The following DAB1 variants were observed in gnomAD, a reference collection of about 807,000 sequenced individuals.
DAB1 encodes the protein disabled homolog 1.
DAB1 carries 15 observed loss-of-function variants against 64.6 expected under a neutral mutation model. The observed-to-expected ratio is 0.23, with a 90% CI of 0.16 to 0.36. The LOEUF (loss-of-function observed/expected upper bound fraction) is 0.36, where lower values mean the gene tolerates loss of function less well. DAB1 is among the 10% of genes least tolerant of loss of function. DAB1 has a pLI of 1.00. For missense variants in DAB1, 596 were observed against 706.7 expected (o/e 0.84, Z 1.78); for synonymous variants, 235 against 251.9 (o/e 0.93, Z 0.64).
chr1:57,623,287 G>A (rs545525937), intron 7 of DAB1, among the ~76,000 whole-genome samples: 17 of 152,150 alleles, frequency 1.1e-4, no homozygotes, highest in African/African-American at 2.2e-4. Context: ...TAACTCATAC[G>A]CCCCTGTCTC....
chr1:58,136,411 T>C (rs1277523616), intron 5 of DAB1, among the ~76,000 whole-genome samples: 2 of 152,098 alleles, frequency 1.3e-5, no homozygotes, highest in Non-Finnish European at 2.9e-5. Context: ...CCACAGCCTA[T>C]CAGAACCTAG....
chr1:57,767,854 T>C (rs1438868479), intron 6 of DAB1, among the ~76,000 whole-genome samples: 11 of 152,052 alleles, frequency 7.2e-5, no homozygotes, highest in Non-Finnish European at 4.4e-5. Context: ...AAATGAATCA[T>C]ATCATATATA....
At chr1:57,899,192 CT>C (rs549026891) in intron 5 of DAB1, among the ~76,000 whole-genome samples, 2 of 152,042 alleles carry the variant, frequency 1.3e-5, no homozygotes, top group African/African-American at 4.8e-5. Context: ...AGTTTTCTTT[CT>C]TTTTTTCTTT....
chr1:57,828,362 T>G (rs1490495769), intron 1 of DAB1, among the ~76,000 whole-genome samples: 1 of 152,210 alleles, frequency 6.6e-6, no homozygotes, highest in Non-Finnish European at 1.5e-5. Context: ...AACTCCTGCT[T>G]TTTCCACAGC....
At chr1:57,027,727 A>C (rs1392822955) in intron 9 of DAB1, among the ~76,000 whole-genome samples, 1 of 152,190 alleles carries the variant, frequency 6.6e-6, no homozygotes, top group Non-Finnish European at 1.5e-5. Flanking sequence ...AGAGCACAAA[A>C]GTCTCTTTTT....
At chr1:57,265,780 T>G (rs1670544803) in intron 2 of DAB1, among the ~76,000 whole-genome samples, 1 of 152,218 alleles carries the variant, frequency 6.6e-6, no homozygotes, top group Admixed American at 6.5e-5. Context: ...GAGAGCAGGC[T>G]TGGAGTGGAA....
chr1:57,871,782 T>C (rs1437678011), intron 1 of DAB1, among the ~76,000 whole-genome samples: 1 of 152,174 alleles, frequency 6.6e-6, no homozygotes, highest in Non-Finnish European at 1.5e-5. Context: ...CTTTTCCATA[T>C]TTAGGAACTG....
intron 9 of DAB1, among the ~76,000 whole-genome samples, chr1:57,060,452 C>T (rs886386650): frequency 6.6e-6 from 1 of 152,088 alleles, no homozygotes; most frequent in African/African-American, 2.4e-5. Context: ...CCCTGGCCTT[C>T]ATATATTTAT....
intron 1 of DAB1, among the ~76,000 whole-genome samples, chr1:57,327,223 G>C (rs1676240982): frequency 6.6e-6 from 1 of 152,042 alleles, no homozygotes; most frequent in Admixed American, 6.6e-5. Context: ...TTGCAGGCGT[G>C]AGCTACAATG....
intron 5 of DAB1, among the ~76,000 whole-genome samples, chr1:57,920,653 T>A (rs1414540178): frequency 6.6e-6 from 1 of 152,108 alleles, no homozygotes; most frequent in Non-Finnish European, 1.5e-5. Flanking sequence ...AAATTATTAA[T>A]CTCTCCAAGG....
At chr1:57,169,494 TC>T (rs895232843) in intron 2 of DAB1, among the ~76,000 whole-genome samples, 2 of 152,178 alleles carry the variant, frequency 1.3e-5, no homozygotes, top group African/African-American at 4.8e-5. Context: ...CCAAGAAATG[TC>T]CTTTTTAACC....
chr1:58,374,502 T>C (rs1336511531), intron 3 of DAB1, among the ~76,000 whole-genome samples: 3 of 151,804 alleles, frequency 2.0e-5, no homozygotes, highest in Non-Finnish European at 4.4e-5. Context: ...GTAAGCAGCG[T>C]TATTTCTGAG....
chr1:58,362,728 A>G (rs913377833), intron 3 of DAB1, among the ~76,000 whole-genome samples: 1 of 152,212 alleles, frequency 6.6e-6, no homozygotes, highest in Admixed American at 6.5e-5. Context: ...AGAACTTCAA[A>G]TGAGGAAAGC....
rs556840731 is a variant in DAB1 at position 58,134,717 on chromosome 1, C to T, written n.387+15794G>A. On this transcript the variant is annotated intron_variant and non_coding_transcript_variant, in intron 5 of 20. Coordinates refer to the DAB1 transcript ENST00000485760. The stretch of plus-strand genomic sequence containing the variant: ...ACCAGATATTGTGAGAACTCTATCA[C>T]GAGAAAGCACTAGCAGGATGGTGCT... Among the ~76,000 whole-genome samples, 18 of 152,172 alleles carry T rather than the reference C, an allele frequency of 1.2e-4. No individual in the cohort carries two copies. In the East Asian group the frequency reaches 2.1e-3, roughly 18 times the overall value.
At chr1:57,378,197 A>G (rs1316458331) in intron 1 of DAB1, among the ~76,000 whole-genome samples, 1 of 152,170 alleles carries the variant, frequency 6.6e-6, no homozygotes, top group Non-Finnish European at 1.5e-5. Flanking sequence ...CAACTCTCTC[A>G]AGAGAACTCA....
intron 5 of DAB1, among the ~76,000 whole-genome samples, chr1:57,915,499 G>T (rs1341044705): frequency 6.6e-6 from 1 of 152,112 alleles, no homozygotes; most frequent in Non-Finnish European, 1.5e-5. Flanking sequence ...TAAAATCAGA[G>T]TTTGGCAGCT....
intron 5 of DAB1, among the ~76,000 whole-genome samples, chr1:58,094,042 C>T (rs1340912776): frequency 6.6e-6 from 1 of 152,164 alleles, no homozygotes; most frequent in Non-Finnish European, 1.5e-5. Flanking sequence ...TCTCATTACT[C>T]CCCGGTCTCT....
At chr1:58,224,726 A>C (rs996823950) in intron 4 of DAB1, among the ~76,000 whole-genome samples, 1 of 152,172 alleles carries the variant, frequency 6.6e-6, no homozygotes, top group Non-Finnish European at 1.5e-5. Context: ...CTCCCTATTT[A>C]ATAAATGGTG....
rs538073628 is a variant in DAB1, at chr1:58,462,174, C to T, written n.257+43886G>A. Among the ~76,000 whole-genome samples, 493 of 140,086 alleles carry T rather than the reference C, an allele frequency of 3.5e-3. 5 individuals carry two copies. The highest frequency in any genetic ancestry group is 0.013 in the African/African-American group (474 of 36,860). 91.9% of individuals were successfully genotyped at this position (140,086 alleles called of 152,430 possible). On this transcript the variant is annotated intron_variant and non_coding_transcript_variant, in intron 3 of 20. Transcript: ENST00000485760. Reference sequence around the variant, plus strand: ...TCGCTCTGTCGCCCAGGCCGGACTGCGGACTGCAGTGGCGCAGTCTCGGCT... The same window carrying T: ...TCGCTCTGTCGCCCAGGCCGGACTGTGGACTGCAGTGGCGCAGTCTCGGCT...
Sources: allele counts gnomAD v4.1 joint callset (sites outside exome capture counted in the v4.1 genomes callset), GRCh38; gene constraint gnomAD v4.1.1; transcripts MANE v1.5; gene names NCBI Gene and HGNC (gene_info 2026-07-23, HGNC 2026-07-21).